Variants in RAB8A observed in about 807,000 individuals in gnomAD.
RAB8A encodes the protein RAB8A, member RAS oncogene family.
In RAB8A, 5 loss-of-function variants were observed where a neutral mutation model predicts 29.2. The observed-to-expected ratio is 0.17, with a 90% CI of 0.09 to 0.36. The LOEUF is 0.36. Among genes scored for constraint, RAB8A ranks in the 10% least tolerant of loss-of-function variants. RAB8A has a pLI of 1.00. For synonymous variants in RAB8A, 108 were observed against 99.9 expected (o/e 1.08, Z -0.49); for missense variants, 171 against 272.2 (o/e 0.63, Z 2.62).
chr19:16,123,645 G>A (rs1215454509), intron 3 of RAB8A: 1 of 152,076 alleles, frequency 6.6e-6, no homozygotes, highest in African/African-American at 2.4e-5. Context: ...AAAAAACATT[G>A]AAAATCCAGC....
intron 2 of RAB8A, among the ~76,000 whole-genome samples, chr19:16,119,426 A>C (rs912726187): frequency 6.6e-6 from 1 of 152,038 alleles, no homozygotes; most frequent in African/African-American, 2.4e-5. Context: ...GCTGGTCTCC[A>C]ACTCCCGACC....
intron 3 of RAB8A, chr19:16,124,013 G>A (rs1017241905): frequency 2.0e-5 from 3 of 152,016 alleles, no homozygotes; most frequent in Admixed American, 6.6e-5. Flanking sequence ...CCTGAAATAG[G>A]TATAATCCAG....
chr19:16,118,170 GAC>G (rs2090855198), intron 1 of RAB8A, 54 bp from the exon 2 acceptor site: 2 of 1,540,274 alleles, frequency 1.3e-6, no homozygotes, highest in South Asian at 2.2e-5. Context: ...GCCCAGCTCA[GAC>G]ACAACTTGGG....
intron 1 of RAB8A, among the ~76,000 whole-genome samples, chr19:16,116,245 T>C (rs1464090612): frequency 6.6e-6 from 1 of 152,118 alleles, no homozygotes; most frequent in Non-Finnish European, 1.5e-5. Flanking sequence ...AGGAAATCGC[T>C]GTGTGGATGG....
At chr19:16,118,973 C>T (rs116778200) in intron 2 of RAB8A, among the ~76,000 whole-genome samples, 1 of 152,200 alleles carries the variant, frequency 6.6e-6, no homozygotes, top group Non-Finnish European at 1.5e-5. Flanking sequence ...ACATGCCACT[C>T]GCACAGAGTC....
chr19:16,115,487 T>A (rs1296776629), intron 1 of RAB8A, among the ~76,000 whole-genome samples: 1 of 152,134 alleles, frequency 6.6e-6, no homozygotes, highest in Non-Finnish European at 1.5e-5. Flanking sequence ...CTGGAATGGG[T>A]TCTCACCAGC....
chr19:16,129,632 G>C lies in RAB8A; in HGVS notation c.531+28G>C, dbSNP rs368681286. 8.1e-6 allele frequency: 13 copies of C among 1,610,064 alleles called. 1 individual carries two copies. The African/African-American group carries it at 1.6e-4, about 20-fold the overall frequency. ...GAGTGTGTGTCCTTCCGAGATCCCC[G>C]GGTGGATCTCTGGGATCCAGCCATC... On this transcript the variant is annotated intron_variant, in intron 7 of 7. Coordinates refer to ENST00000300935, the MANE Select transcript of RAB8A (RefSeq NM_005370.5).
chr19:16,112,086 G>A (rs1459551559), intron 1 of RAB8A, 61 bp downstream of exon 1: 5 of 1,596,102 alleles, frequency 3.1e-6, no homozygotes, highest in African/African-American at 1.3e-5. Context: ...GCCCCTGAGG[G>A]GCTGGGGCTG....
At chr19:16,131,909 A>C (rs2090926344) in intron 7 of RAB8A, among the ~76,000 whole-genome samples, 1 of 140,364 alleles carries the variant, frequency 7.1e-6, no homozygotes, top group Non-Finnish European at 1.5e-5. Flanking sequence ...GATGGTTGGA[A>C]GGGGACAGCT....
chr19:16,127,868 C>T lies in RAB8A; in HGVS notation c.415-158C>T. On this transcript the variant is annotated intron_variant, in intron 5 of 7. Coordinates refer to ENST00000300935, the MANE Select transcript of RAB8A (RefSeq NM_005370.5). This position sits in a 1 kb window ranked among gnomAD's most constrained non-coding sequence, Gnocchi z 4.8. ...GTGAGGCCCTGTGGAGGGGCATTCA[C>T]TATAGAATTGAGGGAGTGATCCAGG... 1.3e-6 allele frequency: 1 copy of T among 742,032 alleles called. No individual in the cohort carries two copies. The highest frequency in any genetic ancestry group is 2.3e-6 in the Non-Finnish European group (1 of 427,772). The allele number at this position is 742,032 out of a possible 1,614,324, so 46.0% of individuals were successfully genotyped here.
chr19:16,124,370 T>A (rs924204234), intron 3 of RAB8A: 2 of 152,260 alleles, frequency 1.3e-5, no homozygotes, highest in Non-Finnish European at 2.9e-5. Flanking sequence ...GTGTCCTTAT[T>A]CTGCAAACTT....
At position 16,122,394 on chromosome 19, in the gene RAB8A, C is replaced by A. The variant is rs551708773; in HGVS notation, c.246+584C>A. On this transcript the variant is annotated intron_variant, in intron 3 of 7. Coordinates refer to ENST00000300935, the MANE Select transcript of RAB8A (RefSeq NM_005370.5). This position sits in a 1 kb window ranked among gnomAD's most constrained non-coding sequence, Gnocchi z 4.7. ...GGGGCCCTGTGTGTACATGGCAGGG[C>A]ATTCAGGGGTAGAGGGAGCAGGAGG... Among the ~76,000 whole-genome samples the A allele has an allele frequency of 6.6e-6, 1 of 152,294 alleles. No individual in the cohort carries two copies. The highest frequency in any genetic ancestry group is 1.9e-4 in the East Asian group (1 of 5,188).
At chr19:16,131,068 C>G (rs1287011714) in intron 7 of RAB8A, among the ~76,000 whole-genome samples, 2 of 152,116 alleles carry the variant, frequency 1.3e-5, no homozygotes, top group African/African-American at 4.8e-5. Flanking sequence ...AGGTGATCCA[C>G]CTGCCTCGGC....
Position 16,132,706 on chromosome 19 carries a change from G to A in RAB8A, c.*402G>A, listed in dbSNP as rs1599401310. The stretch of plus-strand genomic sequence containing the variant: ...GGTTCACGTCCCCTACCACGGAAGC[G>A]AGGTCCCAGAAGGCCAGCGGTGGTT... On this transcript the variant is annotated 3_prime_UTR_variant, in exon 8 of 8. Coordinates refer to ENST00000300935, the MANE Select transcript of RAB8A (RefSeq NM_005370.5). The surrounding 1 kb of genome is among the most constrained non-coding windows in gnomAD (Gnocchi z 5.6). The A allele has an allele frequency of 1.1e-5, 2 of 179,272 alleles. No homozygotes were observed. The highest frequency in any genetic ancestry group is 2.4e-5 in the African/African-American group (1 of 41,816). 11.1% of individuals were successfully genotyped at this position (179,272 alleles called of 1,614,324 possible). A position where few individuals can be genotyped will look rare whatever the true frequency, so the allele number is the denominator to read the frequency against.
Position 16,112,095 on chromosome 19 carries a change from T to G in RAB8A, c.124+70T>G. 1.9e-6 allele frequency: 3 copies of G among 1,585,914 alleles called. No individual in the cohort carries two copies. The South Asian group carries it at 3.4e-5, about 18-fold the overall frequency. On this transcript the variant is annotated intron_variant, in intron 1 of 7. Coordinates refer to ENST00000300935, the MANE Select transcript of RAB8A (RefSeq NM_005370.5). ...GGGCGCGCCCCTGAGGGGCTGGGGC[T>G]GAGGGATCTACAGGGCTGGACGGGC...
chr19:16,118,165 G>T, intron 1 of RAB8A, 61 bp from the exon 2 acceptor site: 2 of 1,507,658 alleles, frequency 1.3e-6, no homozygotes. Flanking sequence ...GTGGCGCCCA[G>T]CTCAGACACA....
chr19:16,127,828 GCAACTC>G lies in RAB8A; in HGVS notation c.415-195_415-190del. On this transcript the variant is annotated intron_variant, in intron 5 of 7. Coordinates refer to ENST00000300935, the MANE Select transcript of RAB8A (RefSeq NM_005370.5). This position sits in a 1 kb window ranked among gnomAD's most constrained non-coding sequence, Gnocchi z 4.8. ...CCTCCCATCTCAGCTGCCATCCCCAGCAACTCCATGCCCTGTGAGGCCCTGTGGAGG... is the reference window on the plus strand; with the variant it reads ...CCTCCCATCTCAGCTGCCATCCCCAGCATGCCCTGTGAGGCCCTGTGGAGG... 1.6e-6 allele frequency: 1 copy of G among 644,994 alleles called. No individual in the cohort carries two copies. The highest frequency in any genetic ancestry group is 1.8e-5 in the African/African-American group (1 of 55,784). 40.0% of individuals were successfully genotyped at this position (644,994 alleles called of 1,614,324 possible). A position where few individuals can be genotyped will look rare whatever the true frequency, so the allele number is the denominator to read the frequency against.
chr19:16,120,260 A>G (rs1255342782), intron 2 of RAB8A, among the ~76,000 whole-genome samples: 1 of 152,038 alleles, frequency 6.6e-6, no homozygotes, highest in Non-Finnish European at 1.5e-5. Flanking sequence ...GCTTGGAGAC[A>G]AAAGACCTGA....
At chr19:16,121,926 A>C (rs2090877233) in intron 3 of RAB8A, 116 bp downstream of exon 3, 2 of 1,004,280 alleles carry the variant, frequency 2.0e-6, no homozygotes, top group Non-Finnish European at 3.1e-6. Context: ...CCAACTCCTC[A>C]GGGCTCCTTG....
Sources: allele counts gnomAD v4.1 joint callset (sites outside exome capture counted in the v4.1 genomes callset), GRCh38; gene constraint gnomAD v4.1.1; non-coding constraint Gnocchi (gnomAD v3.1); transcripts MANE v1.5; gene names NCBI Gene and HGNC (gene_info 2026-07-23, HGNC 2026-07-21).